Variants in TMEM38B observed in about 807,000 individuals in gnomAD.
The protein encoded by TMEM38B is transmembrane protein 38B.
In TMEM38B, 24 loss-of-function variants were observed where a neutral mutation model predicts 28.7. That is an observed-to-expected ratio of 0.84 (90% confidence interval 0.61 to 1.18). The LOEUF is 1.18. Among genes scored for constraint, TMEM38B ranks in the 50% most tolerant of loss-of-function variants. The pLI, the probability that TMEM38B is intolerant of heterozygous loss-of-function variation, is 0.00. For missense variants in TMEM38B, 380 were observed against 350.9 expected (o/e 1.08, Z -0.66); for synonymous variants, 131 against 127.7 (o/e 1.03, Z -0.17).
intron 1 of TMEM38B, among the ~76,000 whole-genome samples, chr9:105,704,701 G>A (rs1835591508): frequency 6.6e-6 from 1 of 152,046 alleles, no homozygotes; most frequent in African/African-American, 2.4e-5. Flanking sequence ...CGAGGTGGGT[G>A]GATCACGAGA....
chr9:105,735,395 T>C (rs1836935226), intron 4 of TMEM38B, among the ~76,000 whole-genome samples: 1 of 152,240 alleles, frequency 6.6e-6, no homozygotes, highest in Non-Finnish European at 1.5e-5. Flanking sequence ...TTATATACTT[T>C]CACATACTTT....
rs1465431673 is a variant in TMEM38B at position 105,769,567 on chromosome 9, G to A, written c.661-4298G>A. On this transcript the variant is annotated intron_variant, in intron 5 of 5. Transcript: ENST00000374692. ...GGACTCAAGCAACCTTCCCGCAAAC[G>A]AAAAATTTACAAGTCTGGCTACACA... 3.3e-5 allele frequency among the ~76,000 whole-genome samples: 5 copies of A among 152,072 alleles called. No individual in the cohort carries two copies. In the South Asian group the frequency reaches 6.2e-4, roughly 19 times the overall value.
intron 5 of TMEM38B, among the ~76,000 whole-genome samples, chr9:105,773,031 C>A (rs933544257): frequency 2.3e-4 from 35 of 152,106 alleles, no homozygotes; most frequent in Non-Finnish European, 4.6e-4. Context: ...AAAATTTGAT[C>A]CCCAGAATTT....
chr9:105,746,970 C>T (rs908208210), intron 4 of TMEM38B, among the ~76,000 whole-genome samples: 7 of 152,236 alleles, frequency 4.6e-5, no homozygotes, highest in East Asian at 3.9e-4. Context: ...CTGCTGGATT[C>T]GGTTTGCCAG....
At chr9:105,758,877 G>A in intron 5 of TMEM38B, 1 of 1,030,122 alleles carries the variant, frequency 9.7e-7, no homozygotes. Context: ...AAGCCAGGAA[G>A]ATGTTGAAGA....
chr9:105,694,736 T>TA lies in TMEM38B; in HGVS notation c.77dup (p.Tyr26Ter). 6.2e-7 allele frequency: 1 copy of TA among 1,613,486 alleles called. No individual in the cohort carries two copies. The highest frequency in any genetic ancestry group is 8.5e-7 in the Non-Finnish European group (1 of 1,179,686). The change falls in exon 1 of 6, where the codon TAT becomes TAAT. Residue 26 changes from tyrosine to a stop codon, truncating the protein, a stop_gained and frameshift_variant. Transcript: ENST00000374692. LOFTEE classifies it high-confidence loss of function. ...GTTTCCCTTTTTTGACATCGCGCAC[T>TA]ATCTAGTGTCAGTGATGGCGGTGAA... is the stretch of plus-strand genomic sequence containing the variant. ...SMFPFFDIAH[Y>*]LVSVMAVKRQ... is the part of the protein sequence containing the mutation.
At chr9:105,739,155 C>T (rs1340065703) in intron 4 of TMEM38B, among the ~76,000 whole-genome samples, 1 of 152,158 alleles carries the variant, frequency 6.6e-6, no homozygotes. Flanking sequence ...AGAAAATCAA[C>T]TGAGCATAGA....
intron 4 of TMEM38B, among the ~76,000 whole-genome samples, chr9:105,725,876 C>T (rs1355577025): frequency 1.3e-5 from 2 of 152,076 alleles, no homozygotes; most frequent in Non-Finnish European, 2.9e-5. Flanking sequence ...ACTTTATAAA[C>T]ACTGTACACT....
chr9:105,753,979 A>C (rs1837745853), intron 5 of TMEM38B, among the ~76,000 whole-genome samples: 1 of 152,212 alleles, frequency 6.6e-6, no homozygotes, highest in Non-Finnish European at 1.5e-5. Flanking sequence ...AAATTTACCA[A>C]GCAAATGGAA....
intron 5 of TMEM38B, among the ~76,000 whole-genome samples, chr9:105,766,906 A>G (rs1361247623): frequency 1.2e-5 from 1 of 86,260 alleles, no homozygotes; most frequent in Admixed American, 1.7e-4. Context: ...CCACCCCACG[A>G]CAGGCCCCGG....
chr9:105,739,558 C>G (rs7853197), intron 4 of TMEM38B, among the ~76,000 whole-genome samples: 3,300 of 152,194 alleles, frequency 0.022, 112 homozygotes, highest in African/African-American at 0.076. Flanking sequence ...CAGAGTGTCA[C>G]TCTGTCCCCA....
At chr9:105,751,043 T>C (rs989585342) in intron 5 of TMEM38B, among the ~76,000 whole-genome samples, 3 of 152,220 alleles carry the variant, frequency 2.0e-5, no homozygotes, top group South Asian at 2.1e-4. Flanking sequence ...TGTTGTAGCA[T>C]TGTAGTTAGT....
rs1298015894 is a variant in TMEM38B at position 105,774,235 on chromosome 9, C to T, written c.*155C>T. 4.8e-6 allele frequency: 3 copies of T among 629,802 alleles called. No individual in the cohort carries two copies. The highest frequency in any genetic ancestry group is 4.1e-5 in the South Asian group (2 of 48,818). The allele number at this position is 629,802 out of a possible 1,614,324, so 39.0% of individuals were successfully genotyped here. On this transcript the variant is annotated 3_prime_UTR_variant, in exon 6 of 6. Coordinates refer to ENST00000374692, the MANE Select transcript of TMEM38B (RefSeq NM_018112.3). ...AAATTCTTTGTTTGAGGGAGACTTC[C>T]CCTTTCTGGATTGTATTTGTAGAGT...
At chr9:105,711,798 C>T (rs369787235) in intron 2 of TMEM38B, among the ~76,000 whole-genome samples, 32 of 146,456 alleles carry the variant, frequency 2.2e-4, no homozygotes, top group East Asian at 2.0e-3. Flanking sequence ...CCAGCCTGCA[C>T]GTAGGAGTGA....
At chr9:105,703,335 A>C (rs963725655) in intron 1 of TMEM38B, among the ~76,000 whole-genome samples, 3 of 152,140 alleles carry the variant, frequency 2.0e-5, no homozygotes, top group Admixed American at 6.5e-5. Context: ...AAATACAAAA[A>C]TTATTTCCAA....
At chr9:105,761,052 C>A (rs1038634580) in intron 5 of TMEM38B, among the ~76,000 whole-genome samples, 5 of 152,132 alleles carry the variant, frequency 3.3e-5, no homozygotes, top group Admixed American at 6.5e-5. Context: ...CAAAATTGAG[C>A]TATGTTCATC....
At chr9:105,740,989 A>C (rs144500106) in intron 4 of TMEM38B, among the ~76,000 whole-genome samples, 1 of 152,170 alleles carries the variant, frequency 6.6e-6, no homozygotes, top group Non-Finnish European at 1.5e-5. Context: ...TGTTCTTTGC[A>C]TATCTGCAAA....
chr9:105,716,175 A>G (rs1287314346), intron 2 of TMEM38B, among the ~76,000 whole-genome samples: 6 of 151,728 alleles, frequency 4.0e-5, no homozygotes, highest in East Asian at 1.9e-4. Context: ...GTTTCTTCTC[A>G]GTGTGGGGAG....
chr9:105,731,724 G>A (rs775261943), intron 4 of TMEM38B, among the ~76,000 whole-genome samples: 1 of 152,106 alleles, frequency 6.6e-6, no homozygotes, highest in Non-Finnish European at 1.5e-5. Context: ...TATTTGGGTT[G>A]GTTCCAAGTC....
Sources: allele counts gnomAD v4.1 joint callset (sites outside exome capture counted in the v4.1 genomes callset), GRCh38; gene constraint gnomAD v4.1.1; transcripts MANE v1.5; gene names NCBI Gene and HGNC (gene_info 2026-07-23, HGNC 2026-07-21).